Variants in WWC2 observed in about 807,000 individuals in gnomAD.
The protein encoded by WWC2 is protein WWC2.
In WWC2, 101 loss-of-function variants were observed where a neutral mutation model predicts 138.5. That is an observed-to-expected ratio of 0.73 (90% CI 0.62 to 0.86). The LOEUF (loss-of-function observed/expected upper bound fraction) is 0.86, where lower values mean the gene tolerates loss of function less well. Ranked by LOEUF, WWC2 falls within the 40% of genes least tolerant of loss-of-function variation. WWC2 has a pLI of 0.00. For synonymous variants in WWC2, 558 were observed against 538.4 expected (o/e 1.04, Z -0.50); for missense variants, 1,420 against 1,419.4 (o/e 1.00, Z -0.01).
At chr4:183,179,791 C>G (rs532801281) in intron 1 of WWC2, among the ~76,000 whole-genome samples, 6 of 152,236 alleles carry the variant, frequency 3.9e-5, no homozygotes, top group South Asian at 2.1e-4. Context: ...ATCTGGACCT[C>G]TAAGGAAACG....
In WWC2 at chr4:183,133,121, C is replaced by T. The variant is rs529207413; in HGVS notation, c.131+33499C>T. 1.6e-4 allele frequency among the ~76,000 whole-genome samples: 23 copies of T among 142,004 alleles called. 1 individual carries two copies. The East Asian group carries it at 4.6e-3, about 28-fold the overall frequency. The allele number at this position is 142,004 out of a possible 152,430, so 93.2% of individuals were successfully genotyped here. A position where few individuals can be genotyped will look rare whatever the true frequency, so the allele number is the denominator to read the frequency against. On this transcript the variant is annotated intron_variant, in intron 1 of 22. Transcript: ENST00000403733. ...CCTTCTTCCCTTCCCTTTTTCCTTCCCTTTTTTTCTTTTCTTTCTTTCTTT... is the reference window on the plus strand; with the variant it reads ...CCTTCTTCCCTTCCCTTTTTCCTTCTCTTTTTTTCTTTTCTTTCTTTCTTT...
chr4:183,186,551 G>C (rs904932921), intron 1 of WWC2, among the ~76,000 whole-genome samples: 1 of 152,042 alleles, frequency 6.6e-6, no homozygotes, highest in Non-Finnish European at 1.5e-5. Flanking sequence ...AGGGTAGGGG[G>C]CATTGAATAT....
At chr4:183,181,022 C>T (rs1734618843) in intron 1 of WWC2, among the ~76,000 whole-genome samples, 1 of 152,172 alleles carries the variant, frequency 6.6e-6, no homozygotes, top group African/African-American at 2.4e-5. Flanking sequence ...GCACACATTA[C>T]AAATTGTGCA....
chr4:183,302,021 C>T (rs146210888), intron 21 of WWC2, among the ~76,000 whole-genome samples: 1 of 152,148 alleles, frequency 6.6e-6, no homozygotes, highest in East Asian at 1.9e-4. Context: ...TACTGTAACT[C>T]ATTATTTTAA....
chr4:183,313,294 A>C (rs1739326914), intron 22 of WWC2, among the ~76,000 whole-genome samples: 1 of 152,174 alleles, frequency 6.6e-6, no homozygotes, highest in Non-Finnish European at 1.5e-5. Flanking sequence ...ACGGGCGGCC[A>C]GCAGGGCTCT....
intron 1 of WWC2, among the ~76,000 whole-genome samples, chr4:183,113,509 T>TGCGC (rs1478298386): frequency 3.6e-5 from 5 of 139,664 alleles, no homozygotes; most frequent in Non-Finnish European, 6.1e-5. Context: ...TGTGTGTGTG[T>TGCGC]GTGTGTGCGC....
At chr4:183,115,055 CTGT>C (rs1239624860) in intron 1 of WWC2, among the ~76,000 whole-genome samples, 1 of 152,136 alleles carries the variant, frequency 6.6e-6, no homozygotes, top group Non-Finnish European at 1.5e-5. Context: ...GCTGTGATGT[CTGT>C]TGTTCCCTTT....
At chr4:183,106,591 C>T (rs1322663568) in intron 1 of WWC2, among the ~76,000 whole-genome samples, 2 of 152,144 alleles carry the variant, frequency 1.3e-5, no homozygotes, top group African/African-American at 2.4e-5. Context: ...ATTCATCTCC[C>T]GTCTCTACAG....
intron 4 of WWC2, chr4:183,233,829 A>AT (rs1395036927): frequency 6.6e-6 from 1 of 152,180 alleles, no homozygotes; most frequent in East Asian, 1.9e-4. Context: ...GGTGTTGAGG[A>AT]TTTTCAGTAA....
intron 1 of WWC2, among the ~76,000 whole-genome samples, chr4:183,179,916 C>T (rs1267337895): frequency 2.0e-5 from 3 of 152,108 alleles, no homozygotes; most frequent in Non-Finnish European, 2.9e-5. Context: ...GTGAACTGAA[C>T]AGAGAAGTCA....
In WWC2 at chr4:183,295,205, A is replaced by T. The variant is rs185877641; in HGVS notation, c.3384+5570A>T. 2.0e-5 allele frequency among the ~76,000 whole-genome samples: 3 copies of T among 152,172 alleles called. No individual in the cohort carries two copies. In the East Asian group the frequency reaches 5.8e-4, roughly 29 times the overall value. On this transcript the variant is annotated intron_variant, in intron 21 of 22. Coordinates refer to ENST00000403733, the MANE Select transcript of WWC2 (RefSeq NM_024949.6). Reference sequence around the variant, plus strand: ...TATGCTCCTTCAGCCTGGAGTGTAAACTCCCTAGGGAAGCAGCGAGGCTAC... The same window carrying T: ...TATGCTCCTTCAGCCTGGAGTGTAATCTCCCTAGGGAAGCAGCGAGGCTAC...
At chr4:183,313,459 G>A (rs929222473) in intron 22 of WWC2, among the ~76,000 whole-genome samples, 38 of 152,190 alleles carry the variant, frequency 2.5e-4, no homozygotes, top group African/African-American at 7.9e-4. Context: ...GCCAGCGCTC[G>A]AGATGGAGAA....
At chr4:183,259,500 G>A (rs1057012972) in intron 9 of WWC2, 139 bp from the exon 10 acceptor site, 24 of 656,070 alleles carry the variant, frequency 3.7e-5, no homozygotes, top group Non-Finnish European at 4.8e-5. Context: ...ACTTCTTGCC[G>A]GTGTCCTGTT....
At chr4:183,140,257 CA>C (rs374401793) in intron 1 of WWC2, among the ~76,000 whole-genome samples, 142 of 152,290 alleles carry the variant, frequency 9.3e-4, no homozygotes, top group African/African-American at 3.1e-3. Context: ...AGATGTTTAA[CA>C]AATATTACTC....
intron 4 of WWC2, among the ~76,000 whole-genome samples, chr4:183,226,239 G>C (rs1736070715): frequency 6.6e-6 from 1 of 151,660 alleles, no homozygotes; most frequent in African/African-American, 2.4e-5. Context: ...TGAGACCACA[G>C]GTGGTATACT....
intron 17 of WWC2, among the ~76,000 whole-genome samples, chr4:183,282,026 A>G (rs1044882490): frequency 1.8e-4 from 27 of 152,208 alleles, no homozygotes; most frequent in African/African-American, 6.3e-4. Flanking sequence ...ATCAAATTAA[A>G]GCTGAACATT....
chr4:183,235,679 G>A (rs1307163535), intron 4 of WWC2, among the ~76,000 whole-genome samples: 1 of 152,112 alleles, frequency 6.6e-6, no homozygotes, highest in East Asian at 1.9e-4. Flanking sequence ...TCTTTTAAAG[G>A]CTGCATAATA....
chr4:183,259,470 C>T (rs1310732067), intron 9 of WWC2, among the ~76,000 whole-genome samples, 169 bp from the exon 10 acceptor site: 3 of 152,184 alleles, frequency 2.0e-5, no homozygotes, highest in Non-Finnish European at 4.4e-5. Context: ...CAGCTTGGCT[C>T]GTGCAGCTCT....
intron 15 of WWC2, chr4:183,269,956 G>A (rs894409949): frequency 1.9e-4 from 29 of 153,382 alleles, no homozygotes; most frequent in Admixed American, 1.9e-3. Context: ...CATGTGTTCA[G>A]AAAACAATGT....
Sources: allele counts gnomAD v4.1 joint callset (sites outside exome capture counted in the v4.1 genomes callset), GRCh38; gene constraint gnomAD v4.1.1; transcripts MANE v1.5; gene names NCBI Gene and HGNC (gene_info 2026-07-23, HGNC 2026-07-21).